Variants in INTU observed in about 807,000 individuals in gnomAD.
INTU encodes the protein protein inturned.
Under a neutral mutation model 100.5 loss-of-function variants are expected in INTU, and 68 were observed. The ratio of observed to expected loss-of-function variants is 0.68; its 90% CI spans 0.56 to 0.83. INTU has a LOEUF of 0.83. INTU is among the 40% of genes least tolerant of loss of function. The pLI is 0.00. For synonymous variants in INTU, 357 were observed against 395.7 expected (o/e 0.90, Z 1.16); for missense variants, 1,071 against 1,114.7 (o/e 0.96, Z 0.56).
chr4:127,706,766 C>T lies in INTU; in HGVS notation c.2068C>T (p.Pro690Ser). The change falls in exon 12 of 16, where the codon CCA becomes TCA. Residue 690 changes from proline (P) to serine (S), a missense_variant. Coordinates refer to ENST00000335251, the MANE Select transcript of INTU (RefSeq NM_015693.4). ...AGGTACTTCCAAAGTAGCAACTTCT[C>T]CAACATGCAGAAGAACGCTTTTTGG... ...LQGTSKVATSPTCRRTLFGDY... is the reference protein window; with the variant it reads ...LQGTSKVATSSTCRRTLFGDY... The T allele has an allele frequency of 1.2e-6, 2 of 1,614,072 alleles. No individual in the cohort carries two copies. Among genetic ancestry groups the T allele is most frequent in the Non-Finnish European group, 1.7e-6 (2 of 1,179,984 alleles).
chr4:127,644,076 A>C lies in INTU; in HGVS notation c.682+20A>C. 1 of 1,594,182 alleles carries C rather than the reference A, an allele frequency of 6.3e-7. No homozygotes were observed. Among genetic ancestry groups the C allele is most frequent in the Non-Finnish European group, 8.6e-7 (1 of 1,169,180 alleles). ...TCATTGGTAAGTGTTGCTGGTACAC[A>C]TCCATCCCTGTTTACAGAGATCTTG... On this transcript the variant is annotated intron_variant, in intron 2 of 15. Transcript: ENST00000335251.
intron 3 of INTU, among the ~76,000 whole-genome samples, chr4:127,657,243 A>T (rs1055001957): frequency 6.6e-6 from 1 of 152,206 alleles, no homozygotes; most frequent in African/African-American, 2.4e-5. Flanking sequence ...ATAGAAATAA[A>T]TTTATTTTAT....
chr4:127,708,508 AT>A (rs1008891494), intron 12 of INTU, 62 bp from the exon 13 acceptor site: 30 of 835,496 alleles, frequency 3.6e-5, no homozygotes, highest in Non-Finnish European at 5.8e-5. Context: ...TAATTTTTAA[AT>A]TGTTTCTGCT....
At chr4:127,649,095 G>A (rs900392543) in intron 2 of INTU, among the ~76,000 whole-genome samples, 2 of 152,176 alleles carry the variant, frequency 1.3e-5, no homozygotes, top group African/African-American at 4.8e-5. Flanking sequence ...AAAAAAAGGA[G>A]GAATAGCAGT....
At chr4:127,638,952 A>G (rs887034668) in intron 1 of INTU, among the ~76,000 whole-genome samples, 2 of 152,188 alleles carry the variant, frequency 1.3e-5, no homozygotes, top group African/African-American at 4.8e-5. Flanking sequence ...GATCTGAATT[A>G]AAACTGCTAG....
In INTU at chr4:127,726,121, C is replaced by A. The variant is rs1006160021; in HGVS notation, c.*9685C>A. ...TCTCATTATCATATGTTTAGCCCCC[C>A]CAAAATTACATTTTAGACTCTTACT... On this transcript the variant is annotated 3_prime_UTR_variant, in exon 16 of 16. Coordinates refer to ENST00000335251, the MANE Select transcript of INTU (RefSeq NM_015693.4). The A allele has an allele frequency of 5.3e-5, 8 of 152,160 alleles. No homozygotes were observed. The highest frequency in any genetic ancestry group is 5.2e-4 in the Admixed American group (8 of 15,276). The allele number at this position is 152,160 out of a possible 1,614,324, so 9.4% of individuals were successfully genotyped here.
intron 8 of INTU, among the ~76,000 whole-genome samples, chr4:127,690,015 A>G (rs1319028566): frequency 6.6e-6 from 1 of 152,140 alleles, no homozygotes; most frequent in Non-Finnish European, 1.5e-5. Flanking sequence ...TCATTAAAGA[A>G]ACCTCTTCCC....
chr4:127,679,801 T>C (rs925203777), intron 6 of INTU, among the ~76,000 whole-genome samples: 14 of 151,556 alleles, frequency 9.2e-5, no homozygotes, highest in African/African-American at 2.9e-4. Flanking sequence ...TTCAAAAAAT[T>C]AATGAATCCA....
At chr4:127,709,184 T>G (rs956303858) in intron 13 of INTU, among the ~76,000 whole-genome samples, 2 of 152,168 alleles carry the variant, frequency 1.3e-5, no homozygotes, top group South Asian at 2.1e-4. Flanking sequence ...AATAAATAAG[T>G]GAGTACAAAG....
intron 2 of INTU, among the ~76,000 whole-genome samples, chr4:127,654,037 A>T (rs955221116): frequency 2.0e-5 from 3 of 150,946 alleles, no homozygotes; most frequent in African/African-American, 7.4e-5. Flanking sequence ...AGAGACTAGG[A>T]TTGAAACCCC....
intron 3 of INTU, among the ~76,000 whole-genome samples, chr4:127,662,001 A>G (rs1728498719): frequency 6.6e-6 from 1 of 151,904 alleles, no homozygotes; most frequent in African/African-American, 2.4e-5. Context: ...GGTGGTAGGT[A>G]CCTCATTTTA....
In INTU at chr4:127,716,786, T is replaced by C. The variant is rs1731274556; in HGVS notation, c.*350T>C. 6.5e-6 allele frequency: 1 copy of C among 154,874 alleles called. No homozygotes were observed. Among genetic ancestry groups the C allele is most frequent in the Non-Finnish European group, 1.4e-5 (1 of 69,798 alleles). The allele number at this position is 154,874 out of a possible 1,614,324, so 9.6% of individuals were successfully genotyped here. A position where few individuals can be genotyped will look rare whatever the true frequency, so the allele number is the denominator to read the frequency against. ...TTATTCTTGAAAAATACTCAATTTG[T>C]TGTTGTTTATTTTTCTCAAAATTCA... is the stretch of plus-strand genomic sequence containing the variant. On this transcript the variant is annotated 3_prime_UTR_variant, in exon 16 of 16. Coordinates refer to ENST00000335251, the MANE Select transcript of INTU (RefSeq NM_015693.4).
rs1206875300 is a variant in INTU at position 127,717,924 on chromosome 4, CCA to C, written c.*1490_*1491del. ...ATGAATAGATTGCCAAAATTTTCTC[CCA>C]CTCTGTAGGTTGCCTGTTCACTCTG... On this transcript the variant is annotated 3_prime_UTR_variant, in exon 16 of 16. Transcript: ENST00000335251. 1.3e-5 allele frequency: 2 copies of C among 152,038 alleles called. No homozygotes were observed. Among genetic ancestry groups the C allele is most frequent in the African/African-American group, 4.8e-5 (2 of 41,400 alleles). The allele number at this position is 152,038 out of a possible 1,614,324, so 9.4% of individuals were successfully genotyped here.
chr4:127,684,922 A>C (rs777383584), intron 7 of INTU, among the ~76,000 whole-genome samples: 101 of 152,168 alleles, frequency 6.6e-4, no homozygotes, highest in Middle Eastern at 3.4e-3. Context: ...TCTTCATAAC[A>C]GATACAGAAA....
At chr4:127,682,227 G>A (rs891424880) in intron 6 of INTU, among the ~76,000 whole-genome samples, 14 of 151,980 alleles carry the variant, frequency 9.2e-5, no homozygotes, top group African/African-American at 3.4e-4. Flanking sequence ...CTAGAAATAC[G>A]ATTTGACCCA....
intron 14 of INTU, among the ~76,000 whole-genome samples, chr4:127,711,701 G>C (rs192506346): frequency 6.6e-6 from 1 of 152,178 alleles, no homozygotes; most frequent in Non-Finnish European, 1.5e-5. Context: ...GATCTAGGCT[G>C]TGCACTTCTT....
chr4:127,657,883 T>G (rs1728306376), intron 3 of INTU, among the ~76,000 whole-genome samples: 1 of 152,112 alleles, frequency 6.6e-6, no homozygotes, highest in African/African-American at 2.4e-5. Flanking sequence ...ACAATAAATG[T>G]AATGTGCTTG....
chr4:127,713,570 G>A (rs1281462149), intron 14 of INTU, among the ~76,000 whole-genome samples: 2 of 152,074 alleles, frequency 1.3e-5, no homozygotes, highest in Admixed American at 1.3e-4. Flanking sequence ...AGGCACTGCT[G>A]GTTTTAAAAC....
At chr4:127,677,972 G>T (rs1035106341) in intron 6 of INTU, among the ~76,000 whole-genome samples, 1 of 152,158 alleles carries the variant, frequency 6.6e-6, no homozygotes, top group Admixed American at 6.5e-5. Context: ...TTCAGGAGCC[G>T]ATGCAATCAA....
Sources: gnomAD v4.1 joint callset for allele counts (sites outside exome capture counted in the v4.1 genomes callset) on GRCh38, gnomAD v4.1.1 for gene constraint, MANE v1.5 for transcripts, NCBI Gene and HGNC (gene_info 2026-07-23, HGNC 2026-07-21) for gene names.